STOM: variants seen among roughly 807,000 people sequenced by gnomAD.
STOM encodes the protein erythrocyte band 7 integral membrane protein.
A neutral mutation model predicts 30.6 loss-of-function variants in STOM; 25 were observed. The observed-to-expected ratio is 0.82, with a 90% CI of 0.60 to 1.14. The LOEUF is 1.14. STOM is among the 50% of genes most tolerant of loss of function. STOM has a pLI of 0.00. For missense variants in STOM, 292 were observed against 365.2 expected, an observed-to-expected ratio of 0.80 and a Z score of 1.63; for synonymous variants, 118 against 130.8, an observed-to-expected ratio of 0.90 and a Z score of 0.67.
chr9:121,363,634 T>C (rs539699598), intron 1 of STOM, among the ~76,000 whole-genome samples: 2 of 152,358 alleles, frequency 1.3e-5, no homozygotes, highest in Admixed American at 1.3e-4. Flanking sequence ...TGAAAAAGTA[T>C]TCTTTTGCCT....
At chr9:121,343,628 T>C (rs760383192) in intron 6 of STOM, among the ~76,000 whole-genome samples, 9 of 152,180 alleles carry the variant, frequency 5.9e-5, no homozygotes, top group Non-Finnish European at 8.8e-5. Flanking sequence ...AAGAATATTT[T>C]GGGCAGAACA....
chr9:121,363,012 C>T (rs539923381), intron 1 of STOM, among the ~76,000 whole-genome samples: 1 of 152,326 alleles, frequency 6.6e-6, no homozygotes, highest in African/African-American at 2.4e-5. Context: ...AATAAATCCA[C>T]TCATCACTGA....
At chr9:121,369,748 G>A (rs1478128843) in intron 1 of STOM, among the ~76,000 whole-genome samples, 2 of 152,128 alleles carry the variant, frequency 1.3e-5, no homozygotes, top group African/African-American at 4.8e-5. Context: ...CGGGAAAGAA[G>A]GGGAGTGGGC....
At position 121,353,265 on chromosome 9, in the gene STOM, G is replaced by T; in HGVS notation, c.276C>A (p.Ile92=). ...FFILPCTDSF[I]KVDMRTISFD... is the part of the protein sequence containing the mutation. ...ATGAAATAGTTCTCATGTCCACTTT[G>T]ATGAAGCTGTCAGTGCATGGCAGAA... Residue 92 remains isoleucine (I), a synonymous_variant, in exon 4 of 7, where the codon ATC becomes ATA. Transcript: ENST00000286713. The T allele has an allele frequency of 6.2e-7, 1 of 1,612,086 alleles. No homozygotes were observed. Among genetic ancestry groups the T allele is most frequent in the South Asian group, 1.1e-5 (1 of 90,698 alleles).
intron 1 of STOM, among the ~76,000 whole-genome samples, chr9:121,359,754 G>A (rs944925716): frequency 6.6e-6 from 1 of 152,062 alleles, no homozygotes; most frequent in Non-Finnish European, 1.5e-5. Flanking sequence ...TTACTCCAAA[G>A]CCCGTGTTCC....
intron 5 of STOM, among the ~76,000 whole-genome samples, 184 bp downstream of exon 5, chr9:121,348,936 G>T (rs1015757356): frequency 6.6e-5 from 10 of 151,920 alleles, no homozygotes; most frequent in Admixed American, 1.3e-4. Flanking sequence ...TGAGTGTTAT[G>T]AACTCATGAA....
In STOM at chr9:121,340,340, T is replaced by G. The variant is rs1476267692; in HGVS notation, c.*862A>C. ...ATTAGTCTTGGCTATTTCCTCTAGT[T>G]CTGACAAGTACAGGCAAGAAAATGG... On this transcript the variant is annotated 3_prime_UTR_variant, in exon 7 of 7. Coordinates refer to ENST00000286713, the MANE Select transcript of STOM (RefSeq NM_004099.6). The G allele has an allele frequency of 1.0e-6, 1 of 985,300 alleles. No individual in the cohort carries two copies. Among genetic ancestry groups the G allele is most frequent in the Non-Finnish European group, 1.2e-6 (1 of 829,936 alleles). 61.0% of individuals were successfully genotyped at this position (985,300 alleles called of 1,614,324 possible).
rs1564630460 is a variant in STOM, at chr9:121,355,246, A to AT, written c.166-574_166-573insA. 6.2e-3 allele frequency among the ~76,000 whole-genome samples: 917 copies of AT among 147,664 alleles called. 14 individuals carry two copies. The highest frequency in any genetic ancestry group is 0.022 in the African/African-American group (876 of 40,178). ...GACTCCGTCTCAAAAAAAAAAAAAAAAAAATAATAATAATAATAATAATCC... is the reference window on the plus strand; with the variant it reads ...GACTCCGTCTCAAAAAAAAAAAAAAATAAAATAATAATAATAATAATAATCC... On this transcript the variant is annotated intron_variant, in intron 2 of 6. Coordinates refer to ENST00000286713, the MANE Select transcript of STOM (RefSeq NM_004099.6).
Position 121,340,685 on chromosome 9 carries a change from G to T in STOM, c.*517C>A. ...GAATCTCTTGAACCCAGGAGGCGGA[G>T]GTTGCAGTGAGCCGAGATCATGCTA... On this transcript the variant is annotated 3_prime_UTR_variant, in exon 7 of 7. Coordinates refer to ENST00000286713, the MANE Select transcript of STOM (RefSeq NM_004099.6). 1.1e-6 allele frequency: 1 copy of T among 902,822 alleles called. No homozygotes were observed. Among genetic ancestry groups the T allele is most frequent in the Non-Finnish European group, 1.3e-6 (1 of 754,198 alleles). The allele number at this position is 902,822 out of a possible 1,614,324, so 55.9% of individuals were successfully genotyped here. A position where few individuals can be genotyped will look rare whatever the true frequency, so the allele number is the denominator to read the frequency against.
chr9:121,353,608 A>G (rs1418807270), intron 3 of STOM, among the ~76,000 whole-genome samples: 1 of 151,978 alleles, frequency 6.6e-6, no homozygotes, highest in South Asian at 2.1e-4. Flanking sequence ...TTTCTCTCCT[A>G]TAATCTATTT....
At chr9:121,349,390 T>C in intron 4 of STOM, 67 bp from the exon 5 acceptor site, 2 of 1,399,468 alleles carry the variant, frequency 1.4e-6, no homozygotes, top group Non-Finnish European at 2.0e-6. Flanking sequence ...GTAAGGAATG[T>C]TATTCTACAG....
At chr9:121,342,083 T>C (rs1318406181) in intron 6 of STOM, among the ~76,000 whole-genome samples, 2 of 152,128 alleles carry the variant, frequency 1.3e-5, no homozygotes, top group Non-Finnish European at 2.9e-5. Context: ...AAAATTGACT[T>C]CTGGTACTGG....
At position 121,340,823 on chromosome 9, in the gene STOM, C is replaced by CA. The variant is rs2064239715; in HGVS notation, c.*378dup. 2.8e-6 allele frequency: 3 copies of CA among 1,072,230 alleles called. No homozygotes were observed. Among genetic ancestry groups the CA allele is most frequent in the South Asian group, 3.0e-5 (1 of 33,750 alleles). The allele number at this position is 1,072,230 out of a possible 1,614,324, so 66.4% of individuals were successfully genotyped here. A position where few individuals can be genotyped will look rare whatever the true frequency, so the allele number is the denominator to read the frequency against. ...GGAGAAGCTGGTTGTGGTGTAAGGT[C>CA]ATCACTTTCTGCAAAGCATTTAGCC... On this transcript the variant is annotated 3_prime_UTR_variant, in exon 7 of 7. Transcript: ENST00000286713.
chr9:121,353,326 T>C (rs2064356224), intron 3 of STOM, 24 bp from the exon 4 acceptor site: 1 of 1,530,362 alleles, frequency 6.5e-7, no homozygotes. Context: ...ACACACATTA[T>C]ACAGACACCA....
In STOM at chr9:121,340,514, A is replaced by G; in HGVS notation, c.*688T>C. On this transcript the variant is annotated 3_prime_UTR_variant, in exon 7 of 7. Coordinates refer to ENST00000286713, the MANE Select transcript of STOM (RefSeq NM_004099.6). ...CACTTTGGGAGGCAGAGGTGGGTGGATCACCTGAGGTTAGGAGTTCGTGAC... is the reference window on the plus strand; with the variant it reads ...CACTTTGGGAGGCAGAGGTGGGTGGGTCACCTGAGGTTAGGAGTTCGTGAC... The G allele has an allele frequency of 1.1e-6, 1 of 921,738 alleles. No individual in the cohort carries two copies. Among genetic ancestry groups the G allele is most frequent in the Non-Finnish European group, 1.3e-6 (1 of 771,984 alleles). 57.1% of individuals were successfully genotyped at this position (921,738 alleles called of 1,614,324 possible).
At chr9:121,350,448 T>C (rs1242798095) in intron 4 of STOM, among the ~76,000 whole-genome samples, 1 of 152,238 alleles carries the variant, frequency 6.6e-6, no homozygotes, top group Non-Finnish European at 1.5e-5. Flanking sequence ...TTCAGGGCAA[T>C]TCTTTGTAAC....
At chr9:121,348,283 C>T (rs146816396) in intron 5 of STOM, 134 bp from the exon 6 acceptor site, 13 of 1,239,888 alleles carry the variant, frequency 1.0e-5, no homozygotes, top group African/African-American at 5.9e-5. Flanking sequence ...CACGGTGGAA[C>T]GAATGGTGAC....
At chr9:121,368,069 G>A (rs2064522780) in intron 1 of STOM, among the ~76,000 whole-genome samples, 1 of 152,038 alleles carries the variant, frequency 6.6e-6, no homozygotes, top group Non-Finnish European at 1.5e-5. Context: ...TTGGCACAGG[G>A]AAAGCATTCA....
chr9:121,353,184 A>G (rs1280931525), intron 4 of STOM, 36 bp downstream of exon 4: 1 of 1,319,160 alleles, frequency 7.6e-7, no homozygotes, highest in Non-Finnish European at 1.1e-6. Flanking sequence ...AAGCACTTTC[A>G]CATATGATAC....
Sources: gnomAD v4.1 joint callset for allele counts (sites outside exome capture counted in the v4.1 genomes callset) on GRCh38, gnomAD v4.1.1 for gene constraint, MANE v1.5 for transcripts, NCBI Gene and HGNC (gene_info 2026-07-23, HGNC 2026-07-21) for gene names.